Variants in FOXP4 observed in about 807,000 individuals in gnomAD.
FOXP4 encodes forkhead box P4.
A neutral mutation model predicts 82.6 loss-of-function variants in FOXP4; 25 were observed. The observed-to-expected ratio is 0.30, with a 90% confidence interval of 0.22 to 0.42. The LOEUF (loss-of-function observed/expected upper bound fraction) is 0.42. Among genes scored for constraint, FOXP4 ranks in the 10% least tolerant of loss-of-function variants. FOXP4 has a pLI of 1.00. For synonymous variants in FOXP4, 415 were observed against 388.2 expected (o/e 1.07, Z -0.81); for missense variants, 785 against 900.9 (o/e 0.87, Z 1.65).
rs759970961 is a variant in FOXP4, at chr6:41,588,662, C to T, written c.996C>T (p.His332=). 1.5e-5 allele frequency: 24 copies of T among 1,613,998 alleles called. No individual in the cohort carries two copies. The highest frequency in any genetic ancestry group is 8.0e-5 in the African/African-American group (6 of 74,936). ...CTTGAAGACACCTCAACACAGAGCA[C>T]GCCCTGGATGACCGGAGTACAGCCC... ...GQFIKHLNTE[H]ALDDRSTAQC... Residue 332 remains histidine (H), a synonymous_variant, in exon 9 of 17, where the codon CAC becomes CAT. Transcript: ENST00000307972.
rs1331184765 is a variant in FOXP4, at chr6:41,563,054, C to G, written c.-16-2691C>G. 3.9e-5 allele frequency among the ~76,000 whole-genome samples: 6 copies of G among 152,222 alleles called. No individual in the cohort carries two copies. In the South Asian group the frequency reaches 8.3e-4, roughly 21 times the overall value. On this transcript the variant is annotated intron_variant, in intron 1 of 16. Transcript: ENST00000307972. ...CTCCCATCCTGCCCTTACTCCAGCC[C>G]AGCTCCTCTCAGAACTTAGGAGTGG...
At chr6:41,575,083 C>T (rs905279780) in intron 2 of FOXP4, among the ~76,000 whole-genome samples, 1 of 152,200 alleles carries the variant, frequency 6.6e-6, no homozygotes, top group South Asian at 2.1e-4. Flanking sequence ...ATCATTCTGC[C>T]TCAGCCTCTG....
chr6:41,592,478 A>C (rs1274091816), intron 13 of FOXP4, among the ~76,000 whole-genome samples: 1 of 152,202 alleles, frequency 6.6e-6, no homozygotes, highest in East Asian at 1.9e-4. Flanking sequence ...CTGAGCCAGC[A>C]GGGCTTGCTT....
At chr6:41,568,370 TGGCACAATAAA>T (rs1277487327) in intron 2 of FOXP4, among the ~76,000 whole-genome samples, 3 of 152,214 alleles carry the variant, frequency 2.0e-5, no homozygotes, top group Non-Finnish European at 4.4e-5. Flanking sequence ...GTTGTCAAGA[TGGCACAATAAA>T]GGCTGCGTAG....
chr6:41,595,498 G>A (rs949606045), intron 14 of FOXP4, among the ~76,000 whole-genome samples: 2 of 152,260 alleles, frequency 1.3e-5, no homozygotes, highest in African/African-American at 2.4e-5. Context: ...CTGGTTCCAG[G>A]ACCAGGTCTC....
intron 9 of FOXP4, 125 bp from the exon 10 acceptor site, chr6:41,589,646 A>T (rs1766369704): frequency 1.1e-6 from 1 of 931,722 alleles, no homozygotes; most frequent in Admixed American, 2.1e-5. Flanking sequence ...ATGGATGCTG[A>T]GGCAAGGAGG....
intron 1 of FOXP4, among the ~76,000 whole-genome samples, chr6:41,550,171 T>G (rs1168375744): frequency 6.6e-6 from 1 of 152,144 alleles, no homozygotes; most frequent in African/African-American, 2.4e-5. Context: ...GCAGAACATG[T>G]GTCAGAGTGG....
chr6:41,588,457 T>TCAA (rs1766293082), intron 8 of FOXP4, among the ~76,000 whole-genome samples, 187 bp from the exon 9 acceptor site: 1 of 152,252 alleles, frequency 6.6e-6, no homozygotes, highest in Non-Finnish European at 1.5e-5. Flanking sequence ...AGCAAAGACA[T>TCAA]CAAAGGAGGC....
rs1267581365 is a variant in FOXP4 at position 41,587,901 on chromosome 6, G to A, written c.977+4G>A. ...AAGACCTGGGCCAGTTTATCAAGTA[G>A]GTGTCACCCCCAGCCCCTCCCCCAG... On this transcript the variant is annotated splice_donor_region_variant and intron_variant, in intron 8 of 16. Coordinates refer to ENST00000307972, the MANE Select transcript of FOXP4 (RefSeq NM_001012426.2). The A allele has an allele frequency of 3.9e-6, 6 of 1,531,942 alleles. No individual in the cohort carries two copies. The highest frequency in any genetic ancestry group is 2.7e-6 in the Non-Finnish European group (3 of 1,128,212). 94.9% of individuals were successfully genotyped at this position (1,531,942 alleles called of 1,614,324 possible).
chr6:41,579,759 C>T (rs1020432581), intron 3 of FOXP4, among the ~76,000 whole-genome samples: 24 of 152,330 alleles, frequency 1.6e-4, no homozygotes, highest in African/African-American at 5.5e-4. Context: ...TGTCTCATTA[C>T]TTCCAAAAAT....
chr6:41,590,498 G>T (rs115245979), intron 12 of FOXP4, 151 bp downstream of exon 12: 2 of 788,774 alleles, frequency 2.5e-6, no homozygotes, highest in African/African-American at 3.5e-5. Context: ...TCTGCTGTGC[G>T]GGGCTCTCCT....
chr6:41,570,247 G>A (rs1765122593), intron 2 of FOXP4: 2 of 461,932 alleles, frequency 4.3e-6, no homozygotes, highest in Admixed American at 2.4e-5. Flanking sequence ...TTCTTCTGGA[G>A]AATGAGCCCC....
chr6:41,566,747 C>CT (rs1011330449), intron 2 of FOXP4, among the ~76,000 whole-genome samples: 3 of 152,224 alleles, frequency 2.0e-5, no homozygotes, highest in African/African-American at 7.2e-5. Flanking sequence ...TTGGGATTCT[C>CT]TTTCTCTGAT....
chr6:41,597,087 G>T lies in FOXP4; in HGVS notation c.1659-89G>T, dbSNP rs752150042. ...GAATAGGGAATGGGACCCATTCCCA[G>T]CACAGGCCGTTACTTAGTGAGAGTA... is the stretch of plus-strand genomic sequence containing the variant. On this transcript the variant is annotated intron_variant, in intron 14 of 16. Transcript: ENST00000307972. 2.8e-6 allele frequency: 4 copies of T among 1,404,508 alleles called. No homozygotes were observed. In the African/African-American group the frequency reaches 5.7e-5, roughly 20 times the overall value. 87.0% of individuals were successfully genotyped at this position (1,404,508 alleles called of 1,614,324 possible).
At chr6:41,595,920 CAG>C (rs1233957830) in intron 14 of FOXP4, among the ~76,000 whole-genome samples, 6 of 150,592 alleles carry the variant, frequency 4.0e-5, no homozygotes, top group African/African-American at 7.4e-5. Flanking sequence ...TTTTTTGAGA[CAG>C]AGTCTTGCTC....
At chr6:41,556,811 A>G (rs1764306054) in intron 1 of FOXP4, among the ~76,000 whole-genome samples, 1 of 152,176 alleles carries the variant, frequency 6.6e-6, no homozygotes. Context: ...GTAAGACAGA[A>G]GTTCTCAATC....
At position 41,587,299 on chromosome 6, in the gene FOXP4, C is replaced by T. The variant is rs1581771852; in HGVS notation, c.659C>T (p.Ala220Val). Reference sequence around the variant, plus strand: ...CCAGCCTCCCCTGTCTCTCCCACAGCAGCTGTTTGCCCAACAGACCTGCCC... The same window carrying T: ...CCAGCCTCCCCTGTCTCTCCCACAGTAGCTGTTTGCCCAACAGACCTGCCC... ...ASGPLQTLPQAAVCPTDLPQL... is the reference protein window; with the variant it reads ...ASGPLQTLPQVAVCPTDLPQL... The change falls in exon 7 of 17, where the codon GCA becomes GTA. Residue 220 changes from alanine to valine, a missense_variant and splice_region_variant. Physicochemically the swap from Ala to Val is moderately conservative, Grantham distance 64. This residue lies in a region of FOXP4 where 570 missense variants were observed against 634.0 expected (regional missense o/e 0.90). Coordinates refer to ENST00000307972, the MANE Select transcript of FOXP4 (RefSeq NM_001012426.2). 1 of 1,612,668 alleles carries T rather than the reference C, an allele frequency of 6.2e-7. No individual in the cohort carries two copies. Among genetic ancestry groups the T allele is most frequent in the Non-Finnish European group, 8.5e-7 (1 of 1,179,878 alleles).
At chr6:41,598,333 C>T (rs1245046281) in intron 16 of FOXP4, among the ~76,000 whole-genome samples, 1 of 151,518 alleles carries the variant, frequency 6.6e-6, no homozygotes, top group Non-Finnish European at 1.5e-5. Flanking sequence ...TCTCCTGCCT[C>T]AGCCTCCCAA....
chr6:41,596,916 C>T (rs1203179383), intron 14 of FOXP4, among the ~76,000 whole-genome samples: 2 of 152,162 alleles, frequency 1.3e-5, no homozygotes, highest in Non-Finnish European at 2.9e-5. Context: ...CTTCCCAGCT[C>T]CGAGACCTGG....
Sources: allele counts gnomAD v4.1 joint callset (sites outside exome capture counted in the v4.1 genomes callset), GRCh38; gene constraint gnomAD v4.1.1; regional missense constraint gnomAD v4.1.1; transcripts MANE v1.5; gene names NCBI Gene and HGNC (gene_info 2026-07-23, HGNC 2026-07-21).